The following CELF4 variants were observed in gnomAD, a reference collection of about 807,000 sequenced individuals.
The protein encoded by CELF4 is CUG-BP- and ETR-3-like factor 4.
A neutral mutation model predicts 59.9 loss-of-function variants in CELF4; 18 were observed. The observed-to-expected ratio is 0.30, with a 90% CI of 0.21 to 0.45. The LOEUF is 0.45. Among genes scored for constraint, CELF4 ranks in the 20% least tolerant of loss-of-function variants. CELF4 has a pLI of 1.00. For missense variants in CELF4, 456 were observed against 689.0 expected (o/e 0.66, Z 3.79); for synonymous variants, 261 against 267.1 (o/e 0.98, Z 0.22).
In CELF4 at chr18:37,513,817, G is replaced by T. The variant is rs571009592; in HGVS notation, c.287-28210C>A. Among the ~76,000 whole-genome samples, 16 of 152,200 alleles carry T rather than the reference G, an allele frequency of 1.1e-4. No individual in the cohort carries two copies. In the South Asian group the frequency reaches 2.9e-3, roughly 28 times the overall value. ...CCTCCTCTATGGAGCCTCCCTGAAG[G>T]GTTCATGAACTTCTGCATGCCTTGT... On this transcript the variant is annotated intron_variant, in intron 1 of 12. Transcript: ENST00000420428.
rs544496381 is a variant in CELF4 at position 37,375,113 on chromosome 18, A to C, written c.370-53232T>G. 2.0e-4 allele frequency among the ~76,000 whole-genome samples: 30 copies of C among 152,194 alleles called. No individual in the cohort carries two copies. In the South Asian group the frequency reaches 3.5e-3, roughly 18 times the overall value. ...GGCCTAGGCAGGGGAAGCTGTGTCT[A>C]GGTTGGGGTGGGGGCATGAGAGCCC... On this transcript the variant is annotated intron_variant, in intron 2 of 12. Coordinates refer to ENST00000420428, the MANE Select transcript of CELF4 (RefSeq NM_020180.4).
chr18:37,552,006 G>A (rs928657379), intron 1 of CELF4, among the ~76,000 whole-genome samples: 1 of 152,210 alleles, frequency 6.6e-6, no homozygotes, highest in Non-Finnish European at 1.5e-5. Flanking sequence ...CGACTTGTCA[G>A]CTCTCCAGCC....
intron 3 of CELF4, among the ~76,000 whole-genome samples, chr18:37,304,513 A>G (rs2154471364): frequency 6.6e-6 from 1 of 152,352 alleles, no homozygotes; most frequent in Middle Eastern, 3.4e-3. Context: ...TGTGTGGGGC[A>G]TAAATTCAAG....
intron 9 of CELF4, among the ~76,000 whole-genome samples, chr18:37,265,793 G>T (rs2077249480): frequency 6.6e-6 from 1 of 152,172 alleles, no homozygotes; most frequent in South Asian, 2.1e-4. Flanking sequence ...TTGCCAGGTA[G>T]CCCCACTGCA....
chr18:37,331,075 T>C (rs611473), intron 2 of CELF4, among the ~76,000 whole-genome samples: 51,213 of 152,060 alleles, frequency 0.34, 9,177 homozygotes, highest in African/African-American at 0.46. Flanking sequence ...TGATGCTTGT[T>C]GGGTCAGGAC....
At chr18:37,477,102 C>T (rs955484585) in intron 2 of CELF4, among the ~76,000 whole-genome samples, 1 of 152,232 alleles carries the variant, frequency 6.6e-6, no homozygotes, top group African/African-American at 2.4e-5. Context: ...CCAGCAAGGT[C>T]GCTCAGCAGA....
chr18:37,376,831 G>T (rs1179830421), intron 2 of CELF4, among the ~76,000 whole-genome samples: 1 of 152,222 alleles, frequency 6.6e-6, no homozygotes, highest in Non-Finnish European at 1.5e-5. Context: ...GCTAGTGGAT[G>T]AATTCTGCAA....
intron 2 of CELF4, among the ~76,000 whole-genome samples, chr18:37,421,189 C>T (rs906516268): frequency 1.3e-5 from 2 of 152,222 alleles, no homozygotes; most frequent in Non-Finnish European, 2.9e-5. Flanking sequence ...CAGGGCTAAC[C>T]CCACTCTCTC....
intron 8 of CELF4, among the ~76,000 whole-genome samples, chr18:37,267,437 A>C (rs1387816918): frequency 1.3e-5 from 2 of 152,222 alleles, no homozygotes; most frequent in Non-Finnish European, 2.9e-5. Context: ...ATGGGCCAGC[A>C]GTAGGCACTG....
At chr18:37,283,704 T>G (rs1014642846) in intron 3 of CELF4, among the ~76,000 whole-genome samples, 3 of 151,898 alleles carry the variant, frequency 2.0e-5, no homozygotes, top group African/African-American at 7.3e-5. Context: ...GAGTAGGCAC[T>G]GGACATACTG....
In CELF4 at chr18:37,253,978, G is replaced by A; in HGVS notation, c.1334-40C>T. The A allele has an allele frequency of 6.4e-7, 1 of 1,554,256 alleles. No homozygotes were observed. The highest frequency in any genetic ancestry group is 8.7e-7 in the Non-Finnish European group (1 of 1,149,838). ...GGGACGAGGGCCTGGGTTTCCACGG[G>A]GCCGCCCGGGGCGCTGCCGGCGGGG... is the stretch of plus-strand genomic sequence containing the variant. On this transcript the variant is annotated intron_variant, in intron 11 of 12. Coordinates refer to ENST00000420428, the MANE Select transcript of CELF4 (RefSeq NM_020180.4). The surrounding 1 kb of genome is among the most constrained non-coding windows in gnomAD (Gnocchi z 4.5).
At chr18:37,285,338 A>G (rs920058795) in intron 3 of CELF4, among the ~76,000 whole-genome samples, 1 of 152,192 alleles carries the variant, frequency 6.6e-6, no homozygotes, top group Non-Finnish European at 1.5e-5. Flanking sequence ...GTCGTCACGC[A>G]GGAAGTCTGC....
intron 3 of CELF4, among the ~76,000 whole-genome samples, chr18:37,289,829 G>A (rs1269488695): frequency 1.3e-5 from 2 of 152,196 alleles, no homozygotes; most frequent in Non-Finnish European, 2.9e-5. Context: ...CTTCTCTGTT[G>A]TGTGACATGG....
chr18:37,337,908 T>C (rs553262245), intron 2 of CELF4, among the ~76,000 whole-genome samples: 1 of 152,244 alleles, frequency 6.6e-6, no homozygotes, highest in Non-Finnish European at 1.5e-5. Flanking sequence ...TGCCTGTCTG[T>C]GTTTAACCTG....
At chr18:37,335,224 C>G (rs1034647201) in intron 2 of CELF4, among the ~76,000 whole-genome samples, 1 of 152,140 alleles carries the variant, frequency 6.6e-6, no homozygotes, top group Non-Finnish European at 1.5e-5. Flanking sequence ...TAATAAGCAT[C>G]GATCACGGCC....
intron 2 of CELF4, among the ~76,000 whole-genome samples, chr18:37,480,897 AAG>A (rs1298892662): frequency 2.6e-5 from 4 of 152,164 alleles, no homozygotes; most frequent in African/African-American, 4.8e-5. Context: ...GGGATTAAGA[AAG>A]AGAAAAGTGA....
At chr18:37,414,631 G>A (rs2099512227) in intron 2 of CELF4, among the ~76,000 whole-genome samples, 1 of 151,198 alleles carries the variant, frequency 6.6e-6, no homozygotes, top group South Asian at 2.1e-4. Flanking sequence ...CCGAGTAGCT[G>A]GGACTACAGG....
chr18:37,546,902 A>C (rs1329738676), intron 1 of CELF4, among the ~76,000 whole-genome samples: 1 of 152,102 alleles, frequency 6.6e-6, no homozygotes, highest in African/African-American at 2.4e-5. Context: ...CACATGCAGT[A>C]CCTCCAGTGA....
At chr18:37,468,341 G>C (rs1488208383) in intron 2 of CELF4, among the ~76,000 whole-genome samples, 3 of 152,174 alleles carry the variant, frequency 2.0e-5, no homozygotes, top group Non-Finnish European at 4.4e-5. Flanking sequence ...CAGAGGCCTA[G>C]CCTCTGTGAG....
Sources: allele counts gnomAD v4.1 joint callset (sites outside exome capture counted in the v4.1 genomes callset), GRCh38; gene constraint gnomAD v4.1.1; non-coding constraint Gnocchi (gnomAD v3.1); transcripts MANE v1.5; gene names NCBI Gene and HGNC (gene_info 2026-07-23, HGNC 2026-07-21).